The following AQP9 variants were observed in gnomAD, a reference collection of about 807,000 sequenced individuals.
AQP9 encodes aquaporin-9.
Under a neutral mutation model 23.8 loss-of-function variants are expected in AQP9, and 19 were observed. That is an observed-to-expected ratio of 0.80 (90% CI 0.56 to 1.17). The LOEUF is 1.17. Among genes scored for constraint, AQP9 ranks in the 50% most tolerant of loss-of-function variants. AQP9 has a pLI of 0.00. For synonymous variants in AQP9, 153 were observed against 131.5 expected (o/e 1.16, Z -1.12); for missense variants, 413 against 362.0 (o/e 1.14, Z -1.14).
intron 1 of AQP9, among the ~76,000 whole-genome samples, chr15:58,144,198 A>C (rs560127557): frequency 6.6e-6 from 1 of 151,934 alleles, no homozygotes; most frequent in South Asian, 2.1e-4. Context: ...TAGGATATTT[A>C]TATTTATTTT....
At chr15:58,182,707 C>T (rs11857438) in intron 5 of AQP9, among the ~76,000 whole-genome samples, 36,815 of 151,998 alleles carry the variant, frequency 0.24, 4,642 homozygotes, top group Middle Eastern at 0.32. Flanking sequence ...CCGAGTACAG[C>T]ATCCTCGCTG....
intron 2 of AQP9, among the ~76,000 whole-genome samples, chr15:58,171,090 A>T (rs1475989994): frequency 7.9e-6 from 1 of 126,216 alleles, no homozygotes; most frequent in Non-Finnish European, 1.7e-5. Context: ...ACGCCCAACT[A>T]ATTTTTTTTT....
chr15:58,175,536 C>G (rs1419623406), intron 4 of AQP9, among the ~76,000 whole-genome samples: 1 of 152,214 alleles, frequency 6.6e-6, no homozygotes, highest in Non-Finnish European at 1.5e-5. Context: ...AAACAAGCTT[C>G]TAGCACCCAA....
At chr15:58,161,033 G>A (rs1898369497) in intron 1 of AQP9, among the ~76,000 whole-genome samples, 1 of 152,134 alleles carries the variant, frequency 6.6e-6, no homozygotes, top group Non-Finnish European at 1.5e-5. Context: ...TAAGGCAATG[G>A]AGAGCCCTGA....
intron 1 of AQP9, among the ~76,000 whole-genome samples, chr15:58,166,348 G>T (rs1308728461): frequency 6.6e-6 from 1 of 152,082 alleles, no homozygotes; most frequent in Non-Finnish European, 1.5e-5. Flanking sequence ...ATACATGTGG[G>T]TCTATAATTA....
At chr15:58,143,380 C>T (rs1485449594) in intron 1 of AQP9, among the ~76,000 whole-genome samples, 2 of 152,170 alleles carry the variant, frequency 1.3e-5, no homozygotes, top group African/African-American at 4.8e-5. Context: ...CTCTATACCC[C>T]AGACACTTTG....
In AQP9 at chr15:58,138,513, G is replaced by A. The variant is rs1595722866; in HGVS notation, c.-53G>A. 2.1e-6 allele frequency: 3 copies of A among 1,443,550 alleles called. No homozygotes were observed. Among genetic ancestry groups the A allele is most frequent in the East Asian group, 2.3e-5 (1 of 43,934 alleles). The allele number at this position is 1,443,550 out of a possible 1,614,324, so 89.4% of individuals were successfully genotyped here. ...ATTTTCATCTGGCTGTGAAAGTGAG[G>A]ACCACAACAGGTAGGTATTGGTAGA... On this transcript the variant is annotated 5_prime_UTR_variant, in exon 1 of 6. Coordinates refer to ENST00000219919, the MANE Select transcript of AQP9 (RefSeq NM_020980.5).
intron 1 of AQP9, among the ~76,000 whole-genome samples, chr15:58,146,188 C>A (rs1335517416): frequency 1.3e-5 from 2 of 152,056 alleles, no homozygotes; most frequent in Non-Finnish European, 2.9e-5. Flanking sequence ...TATTACCTTG[C>A]CTTTCCCCCA....
intron 1 of AQP9, among the ~76,000 whole-genome samples, chr15:58,141,420 CCT>C (rs1365151967): frequency 6.6e-6 from 1 of 152,128 alleles, no homozygotes; most frequent in Non-Finnish European, 1.5e-5. Context: ...CTTTTCTCAC[CCT>C]GTCAAGCTTC....
At position 58,179,225 on chromosome 15, in the gene AQP9, T is replaced by C. The variant is rs1446880521; in HGVS notation, c.593T>C (p.Leu198Pro). 1.2e-6 allele frequency: 2 copies of C among 1,614,050 alleles called. No homozygotes were observed. The highest frequency in any genetic ancestry group is 1.7e-6 in the Non-Finnish European group (2 of 1,180,010). ...PRGLEPIAIGLLIIVIASSLG... is the reference protein window; with the variant it reads ...PRGLEPIAIGPLIIVIASSLG... ...GGCCTAGAGCCCATTGCCATCGGCC[T>C]CCTGATTATTGTCATTGCTTCCTCC... The change falls in exon 5 of 6, where the codon CTC becomes CCC. Residue 198 changes from leucine (L) to proline (P), a missense_variant. Coordinates refer to ENST00000219919, the MANE Select transcript of AQP9 (RefSeq NM_020980.5).
chr15:58,140,818 T>A (rs1897938170), intron 1 of AQP9, among the ~76,000 whole-genome samples: 1 of 152,066 alleles, frequency 6.6e-6, no homozygotes, highest in Admixed American at 6.5e-5. Context: ...TTCCCTCCTT[T>A]CAAAAACTGC....
intron 3 of AQP9, among the ~76,000 whole-genome samples, chr15:58,173,925 A>G (rs1898682003): frequency 6.6e-6 from 1 of 152,164 alleles, no homozygotes; most frequent in African/African-American, 2.4e-5. Context: ...GCCTTAATAC[A>G]TTATGACTTA....
chr15:58,139,723 A>T (rs1291525993), intron 1 of AQP9, among the ~76,000 whole-genome samples: 5 of 152,210 alleles, frequency 3.3e-5, no homozygotes, highest in Non-Finnish European at 7.3e-5. Flanking sequence ...GAACTCAAAA[A>T]ATTGAACTAG....
At chr15:58,182,762 A>T (rs541002167) in intron 5 of AQP9, among the ~76,000 whole-genome samples, 31 of 152,176 alleles carry the variant, frequency 2.0e-4, no homozygotes, top group Non-Finnish European at 3.4e-4. Flanking sequence ...GCTCAGGCTC[A>T]GTGCTCTTCC....
intron 1 of AQP9, among the ~76,000 whole-genome samples, chr15:58,163,481 T>G (rs763442985): frequency 2.6e-5 from 4 of 152,184 alleles, no homozygotes; most frequent in Non-Finnish European, 5.9e-5. Flanking sequence ...AAGAGATTGT[T>G]TTCTAGATAA....
rs150714814 is a variant in AQP9, at chr15:58,138,590, G to A, written c.25G>A (p.Gly9Arg). 5.0e-6 allele frequency: 8 copies of A among 1,613,628 alleles called. No individual in the cohort carries two copies. Among genetic ancestry groups the A allele is most frequent in the Non-Finnish European group, 6.8e-6 (8 of 1,179,762 alleles). The stretch of plus-strand genomic sequence containing the variant: ...GATGCAGCCTGAGGGAGCAGAAAAG[G>A]GAAAAAGCTTCAAGCAGAGACTGGT... MQPEGAEK[G>R]KSFKQRLVLK... is the part of the protein sequence containing the mutation. Residue 9 changes from glycine (G) to arginine (R), a missense_variant, in exon 1 of 6, where the codon GGA becomes AGA. By Grantham distance (125) the Gly-to-Arg change is moderately radical (BLOSUM62 -2). Coordinates refer to ENST00000219919, the MANE Select transcript of AQP9 (RefSeq NM_020980.5).
chr15:58,168,789 G>T (rs183936189), intron 2 of AQP9, among the ~76,000 whole-genome samples: 1 of 152,028 alleles, frequency 6.6e-6, no homozygotes, highest in African/African-American at 2.4e-5. Flanking sequence ...AAAACCAGGG[G>T]ACTGCCCTAA....
chr15:58,163,956 C>T (rs1898442738), intron 1 of AQP9: 1 of 152,376 alleles, frequency 6.6e-6, no homozygotes, highest in South Asian at 2.1e-4. Flanking sequence ...AGTTACCTGG[C>T]TTCCTCGTTG....
chr15:58,182,870 A>G (rs1898923731), intron 5 of AQP9, among the ~76,000 whole-genome samples: 1 of 152,102 alleles, frequency 6.6e-6, no homozygotes, highest in South Asian at 2.1e-4. Context: ...CACGATGGGG[A>G]ATGGGGGTTT....
Sources: allele counts gnomAD v4.1 joint callset (sites outside exome capture counted in the v4.1 genomes callset), GRCh38; gene constraint gnomAD v4.1.1; transcripts MANE v1.5; gene names NCBI Gene and HGNC (gene_info 2026-07-23, HGNC 2026-07-21).